The following RIPPLY2 variants were observed in gnomAD, a reference collection of about 807,000 sequenced individuals.
RIPPLY2 encodes protein ripply2.
A neutral mutation model predicts 17.7 loss-of-function variants in RIPPLY2; 20 were observed. That is an observed-to-expected ratio of 1.13 (90% CI 0.79 to 1.64). The LOEUF is 1.64. RIPPLY2 is among the 40% of genes most tolerant of loss of function. The probability of loss-of-function intolerance (pLI) is 0.00; values close to 1 mark genes in which losing one functional copy is unlikely to be tolerated. For missense variants in RIPPLY2, 213 were observed against 169.8 expected (o/e 1.25, Z -1.41); for synonymous variants, 69 against 63.9 (o/e 1.08, Z -0.38).
At chr6:83,854,953 A>T (rs2099454773) in intron 3 of RIPPLY2, 1 of 152,342 alleles carries the variant, frequency 6.6e-6, no homozygotes, top group East Asian at 1.9e-4. Context: ...TAGTTTTACA[A>T]GTATGGGCAG....
At chr6:83,853,798 C>T in intron 2 of RIPPLY2, 25 bp downstream of exon 2, 1 of 1,595,340 alleles carries the variant, frequency 6.3e-7, no homozygotes. Context: ...CGTCTCAGGC[C>T]GCGCCTCCCA....
rs376544081 is a variant in RIPPLY2 at position 83,854,477 on chromosome 6, G to C, written c.239+316G>C. 1.1e-5 allele frequency: 4 copies of C among 365,954 alleles called. No individual in the cohort carries two copies. In the South Asian group the frequency reaches 1.6e-4, roughly 15 times the overall value. The allele number at this position is 365,954 out of a possible 1,614,324, so 22.7% of individuals were successfully genotyped here. A position where few individuals can be genotyped will look rare whatever the true frequency, so the allele number is the denominator to read the frequency against. On this transcript the variant is annotated intron_variant, in intron 3 of 3. Transcript: ENST00000369689. Reference sequence around the variant, plus strand: ...ACAGTTTTTATTTTTAAATCCTAAAGGGTTCGAATGAAATTGACTTCGCAT... The same window carrying C: ...ACAGTTTTTATTTTTAAATCCTAAACGGTTCGAATGAAATTGACTTCGCAT...
Position 83,853,455 on chromosome 6 carries a change from A to G in RIPPLY2, c.39A>G (p.Gly13=), listed in dbSNP as rs1301767655. ...NAGGAEGTES[G]AAACAATDGP... is the part of the protein sequence containing the mutation. The stretch of plus-strand genomic sequence containing the variant: ...GAGGCGCAGAGGGTACAGAGAGTGG[A>G]GCTGCGGCGTGCGCGGCCACCGACG... Residue 13 remains glycine, a synonymous_variant, in exon 1 of 4, where the codon GGA becomes GGG. Transcript: ENST00000369689. The G allele has an allele frequency of 6.5e-7, 1 of 1,542,828 alleles. No individual in the cohort carries two copies. Among genetic ancestry groups the G allele is most frequent in the Non-Finnish European group, 8.7e-7 (1 of 1,146,162 alleles).
At chr6:83,853,796 G>T in intron 2 of RIPPLY2, 23 bp downstream of exon 2, 1 of 1,599,484 alleles carries the variant, frequency 6.3e-7, no homozygotes, top group Non-Finnish European at 8.5e-7. Context: ...CGCGTCTCAG[G>T]CCGCGCCTCC....
rs932613672 is a variant in RIPPLY2, at chr6:83,857,502, G to GATTATTTTATTAATAATAAA, written c.*114_*115insTTATTTTATTAATAATAAAA. 1.1e-5 allele frequency: 6 copies of GATTATTTTATTAATAATAAA among 568,874 alleles called. No individual in the cohort carries two copies. The highest frequency in any genetic ancestry group is 1.5e-5 in the Non-Finnish European group (6 of 394,628). The allele number at this position is 568,874 out of a possible 1,614,324, so 35.2% of individuals were successfully genotyped here. A position where few individuals can be genotyped will look rare whatever the true frequency, so the allele number is the denominator to read the frequency against. ...TTTGTATATAAATTATTAATAAAAT[G>GATTATTTTATTAATAATAAA]AAATATTTTGTAATTATTCTGGTAT... is the stretch of plus-strand genomic sequence containing the variant. On this transcript the variant is annotated 3_prime_UTR_variant, in exon 4 of 4. Coordinates refer to ENST00000369689, the MANE Select transcript of RIPPLY2 (RefSeq NM_001009994.3).
chr6:83,853,592 C>T (rs1253892945), intron 1 of RIPPLY2, 81 bp downstream of exon 1: 44 of 1,540,126 alleles, frequency 2.9e-5, no homozygotes, highest in Non-Finnish European at 3.8e-5. Flanking sequence ...TCCCCTCCAA[C>T]TCTCCATCCC....
Position 83,857,254 on chromosome 6 carries a change from A to G in RIPPLY2, c.252A>G (p.Pro84=). 6.6e-7 allele frequency: 1 copy of G among 1,507,072 alleles called. No homozygotes were observed. The highest frequency in any genetic ancestry group is 2.5e-5 in the East Asian group (1 of 39,934). The allele number at this position is 1,507,072 out of a possible 1,614,324, so 93.4% of individuals were successfully genotyped here. The change falls in exon 4 of 4, where the codon CCA becomes CCG. Residue 84 remains proline (P), a synonymous_variant. Transcript: ENST00000369689. ...CTGCTTCTTTCAGACTATTTTGGCC[A>G]AAATCAAAATGTTATGATTACTTAT... is the stretch of plus-strand genomic sequence containing the variant. The part of the protein sequence containing the change: ...QFRHPVRLFW[P]KSKCYDYLYQ...
chr6:83,854,202 C>T (rs761800173), intron 3 of RIPPLY2, 41 bp downstream of exon 3: 2 of 1,521,158 alleles, frequency 1.3e-6, no homozygotes, highest in South Asian at 2.2e-5. Flanking sequence ...GCTCCTCCAG[C>T]CCCAGGGAGG....
intron 3 of RIPPLY2, chr6:83,856,218 T>C (rs768485632): frequency 2.6e-4 from 39 of 152,366 alleles, no homozygotes; most frequent in Middle Eastern, 3.4e-3. Context: ...CACTAAAATA[T>C]TTATTGAACG....
chr6:83,855,573 T>G (rs1184277286), intron 3 of RIPPLY2: 1 of 152,246 alleles, frequency 6.6e-6, no homozygotes, highest in East Asian at 1.9e-4. Context: ...AAAACAGATT[T>G]GGGAGGTGAG....
rs2099454566 is a variant in RIPPLY2, at chr6:83,853,752, G to C, written c.153G>C (p.Thr51=). 1.2e-6 allele frequency: 2 copies of C among 1,612,960 alleles called. No individual in the cohort carries two copies. The highest frequency in any genetic ancestry group is 1.7e-5 in the Admixed American group (1 of 59,964). Residue 51 remains threonine (T), a synonymous_variant, in exon 2 of 4, where the codon ACG becomes ACC. Coordinates refer to ENST00000369689, the MANE Select transcript of RIPPLY2 (RefSeq NM_001009994.3). The part of the protein sequence containing the change: ...VDAGGKKEEE[T]PNHAAEAMPD... The stretch of plus-strand genomic sequence containing the variant: ...CCGGAGGCAAGAAAGAAGAGGAGAC[G>C]CCGAACCACGCCGCGGAGGCGGTGA...
In RIPPLY2 at chr6:83,853,497, G is replaced by T. The variant is rs1394557176; in HGVS notation, c.81G>T (p.Ala27=). 6.5e-7 allele frequency: 1 copy of T among 1,538,782 alleles called. No individual in the cohort carries two copies. Among genetic ancestry groups the T allele is most frequent in the Non-Finnish European group, 8.7e-7 (1 of 1,145,370 alleles). ...CCACCGACGGCCCTACGCGGCGCGC[G>T]GGCGCGGACTCCGGGTAGGCTTCCC... ...CAATDGPTRR[A]GADSGYAGFW... The change falls in exon 1 of 4, where the codon GCG becomes GCT. Residue 27 remains alanine, a synonymous_variant. Coordinates refer to ENST00000369689, the MANE Select transcript of RIPPLY2 (RefSeq NM_001009994.3).
Position 83,854,093 on chromosome 6 carries a change from C to G in RIPPLY2, c.175-4C>G, listed in dbSNP as rs535445137. On this transcript the variant is annotated splice_polypyrimidine_tract_variant and splice_region_variant and intron_variant, in intron 2 of 3. Transcript: ENST00000369689. Reference sequence around the variant, plus strand: ...TAACTGGATTCACTTCCTTTCCTCTCCAGATGCCCGATGGCCCTGGAATGA... The same window carrying G: ...TAACTGGATTCACTTCCTTTCCTCTGCAGATGCCCGATGGCCCTGGAATGA... The G allele has an allele frequency of 6.2e-7, 1 of 1,613,840 alleles. No individual in the cohort carries two copies. The highest frequency in any genetic ancestry group is 8.5e-7 in the Non-Finnish European group (1 of 1,179,754).
In RIPPLY2 at chr6:83,857,315, A is replaced by T; in HGVS notation, c.313A>T (p.Ile105Phe). ...AGAAGCTCTTCTGAAAAATTTTCCAATTCAAGCCACAATTTCATTTTATGA... is the reference window on the plus strand; with the variant it reads ...AGAAGCTCTTCTGAAAAATTTTCCATTTCAAGCCACAATTTCATTTTATGA... Reference protein sequence around the residue: ...EAEALLKNFPIQATISFYEDS... With the variant: ...EAEALLKNFPFQATISFYEDS... Residue 105 changes from isoleucine (I) to phenylalanine (F), a missense_variant, in exon 4 of 4, where the codon ATT (isoleucine) becomes TTT (phenylalanine). Ile to Phe is a conservative substitution (Grantham distance 21, BLOSUM62 0). Coordinates refer to ENST00000369689, the MANE Select transcript of RIPPLY2 (RefSeq NM_001009994.3). 1 of 1,581,736 alleles carries T rather than the reference A, an allele frequency of 6.3e-7. No individual in the cohort carries two copies. The highest frequency in any genetic ancestry group is 8.6e-7 in the Non-Finnish European group (1 of 1,168,828).
At chr6:83,855,311 A>T (rs1447325564) in intron 3 of RIPPLY2, 1 of 152,260 alleles carries the variant, frequency 6.6e-6, no homozygotes, top group Non-Finnish European at 1.5e-5. Flanking sequence ...AAATAGGCTT[A>T]GTCAGGGCAT....
Position 83,853,779 on chromosome 6 carries a change from T to C in RIPPLY2, c.174+6T>C. On this transcript the variant is annotated splice_donor_region_variant and intron_variant, in intron 2 of 3. Transcript: ENST00000369689. ...CGAACCACGCCGCGGAGGCGGTGAG[T>C]GAGCCACGCGTCTCAGGCCGCGCCT... is the stretch of plus-strand genomic sequence containing the variant. 6.2e-7 allele frequency: 1 copy of C among 1,610,460 alleles called. No individual in the cohort carries two copies. The highest frequency in any genetic ancestry group is 8.5e-7 in the Non-Finnish European group (1 of 1,178,614).
intron 3 of RIPPLY2, 24 bp downstream of exon 3, chr6:83,854,185 G>T: frequency 6.2e-7 from 1 of 1,603,926 alleles, no homozygotes; most frequent in South Asian, 1.1e-5. Context: ...CTCGCCGAAG[G>T]TCTCCCGCTC....
intron 2 of RIPPLY2, 107 bp downstream of exon 2, chr6:83,853,880 C>A: frequency 8.9e-7 from 1 of 1,117,538 alleles, no homozygotes. Context: ...CCGGGTCCTG[C>A]CTCTCGCTTA....
rs560696997 is a variant in RIPPLY2, at chr6:83,853,688, C to G, written c.96-7C>G. On this transcript the variant is annotated splice_region_variant and splice_polypyrimidine_tract_variant and intron_variant, in intron 1 of 3. Coordinates refer to ENST00000369689, the MANE Select transcript of RIPPLY2 (RefSeq NM_001009994.3). ...CTCTGCGCGCCTTGTGCTCCCCTAT[C>G]CCGCAGATACGCAGGCTTCTGGAGA... The G allele has an allele frequency of 1.9e-6, 3 of 1,613,302 alleles. No individual in the cohort carries two copies. The highest frequency in any genetic ancestry group is 2.2e-5 in the East Asian group (1 of 44,864).
Sources: gnomAD v4.1 joint callset for allele counts on GRCh38, gnomAD v4.1.1 for gene constraint, MANE v1.5 for transcripts, NCBI Gene and HGNC (gene_info 2026-07-23, HGNC 2026-07-21) for gene names.